Variants in MMP16 observed in about 807,000 individuals in gnomAD.
MMP16 encodes the protein matrix metallopeptidase 16.
In MMP16, 12 loss-of-function variants were observed where a neutral mutation model predicts 67.8. That is an observed-to-expected ratio of 0.18 (90% CI 0.11 to 0.29). The LOEUF is 0.29. Ranked by LOEUF, MMP16 falls within the 10% of genes least tolerant of loss-of-function variation. The pLI, the probability that MMP16 is intolerant of heterozygous loss-of-function variation, is 1.00. For synonymous variants in MMP16, 249 were observed against 255.9 expected, an observed-to-expected ratio of 0.97 and a Z score of 0.26; for missense variants, 475 against 765.7, an observed-to-expected ratio of 0.62 and a Z score of 4.48.
chr8:88,240,155 G>A (rs1036660768), intron 1 of MMP16, among the ~76,000 whole-genome samples: 3 of 152,142 alleles, frequency 2.0e-5, no homozygotes, highest in Admixed American at 6.5e-5. Context: ...GGAAATGCAC[G>A]GACATGAACC....
intron 6 of MMP16, among the ~76,000 whole-genome samples, chr8:88,088,981 T>G (rs1808889455): frequency 6.6e-6 from 1 of 152,112 alleles, no homozygotes; most frequent in Non-Finnish European, 1.5e-5. Context: ...AATGAAGCCT[T>G]GAACAATTAT....
chr8:88,102,320 T>C (rs189427136), intron 6 of MMP16, among the ~76,000 whole-genome samples: 1 of 151,966 alleles, frequency 6.6e-6, no homozygotes, highest in Admixed American at 6.6e-5. Flanking sequence ...GTTTGATTAA[T>C]TTACAGATGT....
At chr8:88,096,347 T>C (rs1439471141) in intron 6 of MMP16, among the ~76,000 whole-genome samples, 2 of 151,918 alleles carry the variant, frequency 1.3e-5, no homozygotes, top group Non-Finnish European at 2.9e-5. Flanking sequence ...TGTGATGATA[T>C]TTTAATAACT....
chr8:88,289,007 T>C (rs1810877414), intron 1 of MMP16, among the ~76,000 whole-genome samples: 1 of 152,142 alleles, frequency 6.6e-6, no homozygotes, highest in Non-Finnish European at 1.5e-5. Flanking sequence ...AGGGCCTTCT[T>C]GCAGATAAAG....
chr8:88,131,456 A>G (rs1382050108), intron 4 of MMP16, among the ~76,000 whole-genome samples: 1 of 151,790 alleles, frequency 6.6e-6, no homozygotes, highest in African/African-American at 2.4e-5. Context: ...TTAATAACAT[A>G]CAGCAAGAAT....
rs1311338732 is a variant in MMP16 at position 88,103,139 on chromosome 8, T to C, written c.1083+13368A>G. ...GCTACATTCCTTTCCCAGTGCACCA[T>C]ATCCCTTCGTACCTCCAGTCCTGGC... On this transcript the variant is annotated intron_variant, in intron 6 of 9. Coordinates refer to ENST00000286614, the MANE Select transcript of MMP16 (RefSeq NM_005941.5). Among the ~76,000 whole-genome samples, 24 of 151,812 alleles carry C rather than the reference T, an allele frequency of 1.6e-4. 1 individual carries two copies. Among genetic ancestry groups the C allele is most frequent in the Admixed American group, 1.6e-3 (24 of 15,202 alleles).
chr8:88,116,479 T>TA (rs750842950), intron 6 of MMP16, 28 bp downstream of exon 6: 159,915 of 1,137,812 alleles, frequency 0.14, 900 homozygotes, highest in South Asian at 0.15. Context: ...GATCTACTGT[T>TA]AAAAAAAAAA....
chr8:88,244,412 A>C (rs772856088), intron 1 of MMP16, among the ~76,000 whole-genome samples: 5 of 152,234 alleles, frequency 3.3e-5, no homozygotes, highest in Non-Finnish European at 5.9e-5. Flanking sequence ...AATACTGAAA[A>C]CTATTTGAAG....
At position 88,040,167 on chromosome 8, in the gene MMP16, T is replaced by A. The variant is rs1405485623; in HGVS notation, c.*1294A>T. 1 of 152,648 alleles carries A rather than the reference T, an allele frequency of 6.6e-6. No individual in the cohort carries two copies. Among genetic ancestry groups the A allele is most frequent in the Non-Finnish European group, 1.5e-5 (1 of 68,040 alleles). The allele number at this position is 152,648 out of a possible 1,614,324, so 9.5% of individuals were successfully genotyped here. On this transcript the variant is annotated 3_prime_UTR_variant, in exon 10 of 10. Coordinates refer to ENST00000286614, the MANE Select transcript of MMP16 (RefSeq NM_005941.5). ...AAAGAAAAGAAGACTTAGGCTATTA[T>A]CAGTTTTTCAAATAAAATTTCAGAT...
intron 6 of MMP16, among the ~76,000 whole-genome samples, chr8:88,102,522 T>G (rs779709713): frequency 2.1e-4 from 32 of 151,694 alleles, no homozygotes; most frequent in Admixed American, 9.9e-4. Flanking sequence ...TCCATTTTGG[T>G]TTTTATGGTG....
intron 1 of MMP16, among the ~76,000 whole-genome samples, chr8:88,265,517 G>C (rs913994973): frequency 3.3e-5 from 5 of 152,114 alleles, no homozygotes; most frequent in African/African-American, 1.2e-4. Flanking sequence ...TACTATGACA[G>C]AGACAACCTA....
chr8:88,270,662 T>C (rs1229458612), intron 1 of MMP16, among the ~76,000 whole-genome samples: 4 of 152,218 alleles, frequency 2.6e-5, no homozygotes, highest in Non-Finnish European at 5.9e-5. Context: ...ATAAAGTCTT[T>C]GGCACAAAAT....
chr8:88,188,291 T>A (rs1809105131), intron 2 of MMP16, among the ~76,000 whole-genome samples: 1 of 152,188 alleles, frequency 6.6e-6, no homozygotes, highest in African/African-American at 2.4e-5. Context: ...CTCAAAAAAT[T>A]ATAATATTCC....
chr8:88,113,696 T>C (rs1303166218), intron 6 of MMP16, among the ~76,000 whole-genome samples: 2 of 151,940 alleles, frequency 1.3e-5, no homozygotes, highest in Non-Finnish European at 2.9e-5. Context: ...TTCCAGGCTC[T>C]GTCCTATGTA....
intron 1 of MMP16, among the ~76,000 whole-genome samples, chr8:88,226,419 T>C (rs535221471): frequency 2.0e-5 from 3 of 152,202 alleles, no homozygotes; most frequent in African/African-American, 7.2e-5. Context: ...CCAATTAAGA[T>C]ATTTCTGGAA....
At chr8:88,109,586 C>A (rs1240229878) in intron 6 of MMP16, among the ~76,000 whole-genome samples, 1 of 151,268 alleles carries the variant, frequency 6.6e-6, no homozygotes, top group Admixed American at 6.6e-5. Context: ...AACAGTGGCA[C>A]ATTCACAAAT....
chr8:88,056,052 C>G (rs1450484596), intron 8 of MMP16, 76 bp downstream of exon 8: 8 of 1,196,496 alleles, frequency 6.7e-6, no homozygotes, highest in African/African-American at 1.6e-5. Context: ...CAGCTGATGC[C>G]TCTGATAGAC....
chr8:88,316,850 T>C (rs1811382207), intron 1 of MMP16, among the ~76,000 whole-genome samples: 1 of 152,162 alleles, frequency 6.6e-6, no homozygotes, highest in Admixed American at 6.5e-5. Context: ...CCATTCTAGA[T>C]GCCACTAAGC....
At chr8:88,138,029 T>G (rs755647067) in intron 4 of MMP16, among the ~76,000 whole-genome samples, 1 of 152,024 alleles carries the variant, frequency 6.6e-6, no homozygotes, top group Non-Finnish European at 1.5e-5. Flanking sequence ...TACTTTTTAG[T>G]TATATATGTC....
Sources: gnomAD v4.1 joint callset for allele counts (sites outside exome capture counted in the v4.1 genomes callset) on GRCh38, gnomAD v4.1.1 for gene constraint, MANE v1.5 for transcripts, NCBI Gene and HGNC (gene_info 2026-07-23, HGNC 2026-07-21) for gene names.